Variants in GALNTL6 observed in about 807,000 individuals in gnomAD.
The protein encoded by GALNTL6 is polypeptide N-acetylgalactosaminyltransferase like 6, also known as polypeptide N-acetylgalactosaminyltransferase-like 6.
Under a neutral mutation model 73.7 loss-of-function variants are expected in GALNTL6, and 46 were observed. The observed-to-expected ratio is 0.62, with a 90% confidence interval of 0.49 to 0.80. The LOEUF is 0.80. GALNTL6 is among the 30% of genes least tolerant of loss of function. GALNTL6 has a pLI of 0.00. For synonymous variants in GALNTL6, 259 were observed against 263.7 expected, an observed-to-expected ratio of 0.98 and a Z score of 0.17; for missense variants, 604 against 755.0, an observed-to-expected ratio of 0.80 and a Z score of 2.34.
chr4:172,957,972 C>T (rs555401533), intron 10 of GALNTL6, among the ~76,000 whole-genome samples: 3 of 152,150 alleles, frequency 2.0e-5, no homozygotes, highest in Admixed American at 1.3e-4. Flanking sequence ...GAGTGAATGT[C>T]AGGTGGATTA....
intron 2 of GALNTL6, among the ~76,000 whole-genome samples, chr4:172,179,446 A>T: frequency 7.4e-6 from 1 of 134,296 alleles, no homozygotes; most frequent in East Asian, 2.0e-4. Flanking sequence ...TGGCTGCATA[A>T]ATGTCTTCTT....
At chr4:172,825,165 G>T (rs1742197377) in intron 7 of GALNTL6, among the ~76,000 whole-genome samples, 1 of 135,458 alleles carries the variant, frequency 7.4e-6, no homozygotes, top group Non-Finnish European at 1.5e-5. Context: ...ATACTTCTTG[G>T]TATAGATCCA....
chr4:172,747,368 G>A (rs1017771423), intron 5 of GALNTL6, among the ~76,000 whole-genome samples: 3 of 151,934 alleles, frequency 2.0e-5, no homozygotes, highest in Non-Finnish European at 4.4e-5. Flanking sequence ...TGAATAGACA[G>A]TTCCCAAAAG....
At chr4:172,935,901 T>C (rs1554004325) in intron 9 of GALNTL6, among the ~76,000 whole-genome samples, 3 of 152,060 alleles carry the variant, frequency 2.0e-5, no homozygotes, top group Non-Finnish European at 4.4e-5. Context: ...AAAAAATAGA[T>C]AGAGAGGGAA....
chr4:172,522,078 G>A (rs1417981760), intron 5 of GALNTL6, among the ~76,000 whole-genome samples: 3 of 152,042 alleles, frequency 2.0e-5, no homozygotes, highest in Admixed American at 1.3e-4. Context: ...TAGAGAATGT[G>A]TCCTTTTAAA....
intron 12 of GALNTL6, 50 bp downstream of exon 12, chr4:173,021,675 A>G (rs369392017): frequency 8.2e-5 from 130 of 1,585,548 alleles, no homozygotes; most frequent in Non-Finnish European, 1.1e-4. Flanking sequence ...GGTTTAAGTT[A>G]TTCTTACTCA....
Position 171,886,380 on chromosome 4 carries a change from A to G in GALNTL6, c.138+71662A>G, listed in dbSNP as rs1443003162. Among the ~76,000 whole-genome samples the G allele has an allele frequency of 1.7e-4, 26 of 152,204 alleles. 1 individual carries two copies. The highest frequency in any genetic ancestry group is 1.7e-3 in the Admixed American group (26 of 15,282). ...TCTTCATTTTTTCATTGTAAATTTGACATTTTGTAAAACTTACTACAGACA... is the reference window on the plus strand; with the variant it reads ...TCTTCATTTTTTCATTGTAAATTTGGCATTTTGTAAAACTTACTACAGACA... On this transcript the variant is annotated intron_variant, in intron 2 of 12. Coordinates refer to ENST00000506823, the MANE Select transcript of GALNTL6 (RefSeq NM_001034845.3).
chr4:172,562,084 GA>G, intron 5 of GALNTL6, among the ~76,000 whole-genome samples: 1 of 152,186 alleles, frequency 6.6e-6, no homozygotes, highest in Middle Eastern at 3.4e-3. Context: ...TCACCTCTCT[GA>G]ATCTTTGTAA....
chr4:172,250,868 T>A (rs1737840484), intron 3 of GALNTL6, among the ~76,000 whole-genome samples: 1 of 152,178 alleles, frequency 6.6e-6, no homozygotes, highest in Non-Finnish European at 1.5e-5. Context: ...GAATCACTGT[T>A]GGTCATTATT....
intron 5 of GALNTL6, among the ~76,000 whole-genome samples, chr4:172,358,952 C>T (rs529272630): frequency 4.0e-5 from 6 of 148,396 alleles, no homozygotes; most frequent in Non-Finnish European, 5.9e-5. Flanking sequence ...ATTAGTTCAA[C>T]TATTGTGGAA....
chr4:172,358,027 C>G (rs1742230007), intron 5 of GALNTL6, among the ~76,000 whole-genome samples: 1 of 151,930 alleles, frequency 6.6e-6, no homozygotes, highest in African/African-American at 2.4e-5. Flanking sequence ...ATGAAAGTCT[C>G]TATGAAAAAA....
chr4:172,172,170 A>C (rs185068645), intron 2 of GALNTL6, among the ~76,000 whole-genome samples: 136 of 151,988 alleles, frequency 8.9e-4, no homozygotes, highest in Non-Finnish European at 3.8e-4. Context: ...TATAACTAGC[A>C]TTGTTTTTTG....
At chr4:172,340,139 A>G (rs139712831) in intron 4 of GALNTL6, among the ~76,000 whole-genome samples, 66 of 152,244 alleles carry the variant, frequency 4.3e-4, no homozygotes, top group African/African-American at 1.5e-3. Flanking sequence ...CTTTTTATAT[A>G]TGGCATGTAT....
At chr4:171,993,718 T>C (rs1740407051) in intron 2 of GALNTL6, among the ~76,000 whole-genome samples, 1 of 151,734 alleles carries the variant, frequency 6.6e-6, no homozygotes. Flanking sequence ...GAAAGAAAAG[T>C]TAATGGGTTT....
intron 2 of GALNTL6, among the ~76,000 whole-genome samples, chr4:171,851,466 G>A (rs1389947771): frequency 1.3e-5 from 2 of 152,288 alleles, no homozygotes; most frequent in East Asian, 3.9e-4. Flanking sequence ...CTGAGAGACT[G>A]TTATATATTA....
chr4:171,926,374 G>T (rs945757456), intron 2 of GALNTL6, among the ~76,000 whole-genome samples: 5 of 151,976 alleles, frequency 3.3e-5, no homozygotes, highest in African/African-American at 1.2e-4. Context: ...GAAGGCTATT[G>T]TATGTCCTCT....
chr4:172,254,946 C>G (rs1738021265), intron 3 of GALNTL6, among the ~76,000 whole-genome samples: 1 of 151,490 alleles, frequency 6.6e-6, no homozygotes, highest in South Asian at 2.1e-4. Flanking sequence ...CGGTCATTTA[C>G]AAAATTTATT....
At chr4:171,833,764 C>A (rs1295215930) in intron 2 of GALNTL6, among the ~76,000 whole-genome samples, 1 of 151,704 alleles carries the variant, frequency 6.6e-6, no homozygotes, top group Non-Finnish European at 1.5e-5. Flanking sequence ...TTTGGTCCAG[C>A]CTGTTAAAAG....
chr4:171,830,546 T>G (rs565990701), intron 2 of GALNTL6, among the ~76,000 whole-genome samples: 1 of 152,154 alleles, frequency 6.6e-6, no homozygotes, highest in Non-Finnish European at 1.5e-5. Flanking sequence ...ATAAATATCA[T>G]ATAGGTACTG....
Sources: gnomAD v4.1 joint callset for allele counts (sites outside exome capture counted in the v4.1 genomes callset) on GRCh38, gnomAD v4.1.1 for gene constraint, MANE v1.5 for transcripts, NCBI Gene and HGNC (gene_info 2026-07-23, HGNC 2026-07-21) for gene names.